Variants in KCNJ4 observed in about 807,000 individuals in gnomAD.
KCNJ4 encodes inward rectifier potassium channel 4.
Under a neutral mutation model 25.6 loss-of-function variants are expected in KCNJ4, and 3 were observed. The ratio of observed to expected loss-of-function variants is 0.12; its 90% CI spans 0.05 to 0.30. The LOEUF is 0.30. KCNJ4 is among the 10% of genes least tolerant of loss of function. The pLI, the probability that KCNJ4 is intolerant of heterozygous loss-of-function variation, is 1.00. For synonymous variants in KCNJ4, 257 were observed against 283.9 expected (o/e 0.91, Z 0.95); for missense variants, 286 against 666.8 (o/e 0.43, Z 6.29).
intron 1 of KCNJ4, among the ~76,000 whole-genome samples, chr22:38,451,280 T>C (rs1300274416): frequency 1.3e-5 from 2 of 152,164 alleles, no homozygotes; most frequent in Non-Finnish European, 2.9e-5. Flanking sequence ...CTGGCTCTGC[T>C]TGAATACCTC....
In KCNJ4 at chr22:38,439,326, G is replaced by A. The variant is rs111998349; in HGVS notation, c.-39-11155C>T. Among the ~76,000 whole-genome samples the A allele has an allele frequency of 2.0e-3, 310 of 152,264 alleles. 2 individuals are homozygous for A. Among genetic ancestry groups the A allele is most frequent in the African/African-American group, 7.0e-3 (289 of 41,540 alleles). On this transcript the variant is annotated intron_variant, in intron 1 of 1. Transcript: ENST00000303592. ...GGGCATCTGTAATCTCAGCTCCTCA[G>A]GAGGCTGAGGCAAGAGAATCACTTA...
intron 1 of KCNJ4, among the ~76,000 whole-genome samples, chr22:38,445,506 C>T (rs767200352): frequency 5.9e-5 from 9 of 152,110 alleles, no homozygotes; most frequent in Admixed American, 2.0e-4. Context: ...TTTTTAGAGA[C>T]AGAGTCTTGC....
chr22:38,451,238 C>T (rs1006495610), intron 1 of KCNJ4, among the ~76,000 whole-genome samples: 1 of 152,140 alleles, frequency 6.6e-6, no homozygotes, highest in African/African-American at 2.4e-5. Flanking sequence ...CGGCCTCACC[C>T]GTAAGGCGAG....
At chr22:38,442,919 T>A (rs1362235671) in intron 1 of KCNJ4, among the ~76,000 whole-genome samples, 1 of 152,090 alleles carries the variant, frequency 6.6e-6, no homozygotes, top group African/African-American at 2.4e-5. Flanking sequence ...ATTTTTTAAT[T>A]TTTTGTAGAG....
At chr22:38,434,469 C>G (rs968782174) in intron 1 of KCNJ4, among the ~76,000 whole-genome samples, 1 of 152,186 alleles carries the variant, frequency 6.6e-6, no homozygotes, top group African/African-American at 2.4e-5. Context: ...GTTGTTATTT[C>G]TCCTCCCCAG....
chr22:38,444,940 C>T (rs1181610723), intron 1 of KCNJ4, among the ~76,000 whole-genome samples: 1 of 152,206 alleles, frequency 6.6e-6, no homozygotes, highest in Non-Finnish European at 1.5e-5. Flanking sequence ...CAGTGCCTTG[C>T]CTTGGAGGGC....
intron 1 of KCNJ4, among the ~76,000 whole-genome samples, chr22:38,442,009 A>G (rs2145943046): frequency 6.6e-6 from 1 of 152,296 alleles, no homozygotes; most frequent in East Asian, 1.9e-4. Flanking sequence ...GAAGAAATTT[A>G]TAGATACACA....
intron 1 of KCNJ4, among the ~76,000 whole-genome samples, chr22:38,448,887 G>A (rs576627522): frequency 1.3e-5 from 2 of 152,248 alleles, no homozygotes; most frequent in South Asian, 4.1e-4. Context: ...CACCTCCCAT[G>A]CCCCAGCTCC....
chr22:38,442,141 C>T (rs1569122652), intron 1 of KCNJ4, among the ~76,000 whole-genome samples: 1 of 151,974 alleles, frequency 6.6e-6, no homozygotes, highest in Non-Finnish European at 1.5e-5. Flanking sequence ...ACTGTATTCC[C>T]GTTTGTGTCT....
At chr22:38,450,307 C>T (rs1602646064) in intron 1 of KCNJ4, among the ~76,000 whole-genome samples, 1 of 151,988 alleles carries the variant, frequency 6.6e-6, no homozygotes, top group Non-Finnish European at 1.5e-5. Context: ...TCGACAGCAG[C>T]CCAACCACAG....
chr22:38,433,264 A>G (rs2093055562), intron 1 of KCNJ4, among the ~76,000 whole-genome samples: 1 of 152,082 alleles, frequency 6.6e-6, no homozygotes, highest in Non-Finnish European at 1.5e-5. Flanking sequence ...CCTGACCAAC[A>G]TGGAGAAAAC....
chr22:38,436,229 GTAAGTGATCGA>G (rs1198907245), intron 1 of KCNJ4, among the ~76,000 whole-genome samples: 1 of 152,228 alleles, frequency 6.6e-6, no homozygotes, highest in Non-Finnish European at 1.5e-5. Context: ...CCAGCCCAGA[GTAAGTGATCGA>G]TAAGGTGCAT....
At chr22:38,437,164 C>T (rs2093067796) in intron 1 of KCNJ4, among the ~76,000 whole-genome samples, 1 of 152,258 alleles carries the variant, frequency 6.6e-6, no homozygotes, top group Non-Finnish European at 1.5e-5. Context: ...CGGGCCCTCC[C>T]AACCACTTGG....
At chr22:38,429,986 A>G (rs1205527114) in intron 1 of KCNJ4, among the ~76,000 whole-genome samples, 1 of 152,184 alleles carries the variant, frequency 6.6e-6, no homozygotes, top group Admixed American at 6.5e-5. Flanking sequence ...ACAGCCTCAG[A>G]GCCTGCCTCT....
chr22:38,429,041 G>C (rs1335660305), intron 1 of KCNJ4, among the ~76,000 whole-genome samples: 1 of 144,750 alleles, frequency 6.9e-6, no homozygotes, highest in African/African-American at 2.6e-5. Context: ...CTGTGATCAT[G>C]CCACTGAACT....
rs56680783 is a variant in KCNJ4, at chr22:38,438,832, C to T, written c.-39-10661G>A. On this transcript the variant is annotated intron_variant, in intron 1 of 1. Transcript: ENST00000303592. The stretch of plus-strand genomic sequence containing the variant: ...GTGGACCAGGATGAGGCCACAGAGG[C>T]GGCAGATGGCAAGGGCTGCGGATGT... Among the ~76,000 whole-genome samples, 1,415 of 152,306 alleles carry T rather than the reference C, an allele frequency of 9.3e-3. 31 individuals are homozygous for T. The highest frequency in any genetic ancestry group is 0.032 in the African/African-American group (1,345 of 41,560).
At chr22:38,446,177 C>T (rs2089373217) in intron 1 of KCNJ4, among the ~76,000 whole-genome samples, 1 of 152,246 alleles carries the variant, frequency 6.6e-6, no homozygotes, top group East Asian at 1.9e-4. Context: ...CTCTGCCGGG[C>T]TGCTGATGTA....
chr22:38,450,375 C>T (rs367858906), intron 1 of KCNJ4, among the ~76,000 whole-genome samples: 11 of 152,226 alleles, frequency 7.2e-5, no homozygotes, highest in African/African-American at 1.9e-4. Context: ...GGACATCACT[C>T]GGAGAGGGTG....
chr22:38,443,117 G>A lies in KCNJ4; in HGVS notation c.-40+11863C>T, dbSNP rs956261238. On this transcript the variant is annotated intron_variant, in intron 1 of 1. Coordinates refer to ENST00000303592, the MANE Select transcript of KCNJ4 (RefSeq NM_152868.3). The surrounding 1 kb of genome is among the most constrained non-coding windows in gnomAD (Gnocchi z 4.1). ...CCTCAGCCCCCTCCAGAGCTCCTCTGTGCCCCCTTCCCTCTCAGCAGCTCT... is the reference window on the plus strand; with the variant it reads ...CCTCAGCCCCCTCCAGAGCTCCTCTATGCCCCCTTCCCTCTCAGCAGCTCT... Among the ~76,000 whole-genome samples the A allele has an allele frequency of 9.9e-5, 15 of 152,118 alleles. No homozygotes were observed. The highest frequency in any genetic ancestry group is 2.6e-4 in the Admixed American group (4 of 15,288).
Sources: allele counts gnomAD v4.1 joint callset (sites outside exome capture counted in the v4.1 genomes callset), GRCh38; gene constraint gnomAD v4.1.1; non-coding constraint Gnocchi (gnomAD v3.1); transcripts MANE v1.5; gene names NCBI Gene and HGNC (gene_info 2026-07-23, HGNC 2026-07-21).